NELL1: variants seen among roughly 807,000 people sequenced by gnomAD.
NELL1 encodes neural EGFL like 1.
In NELL1, 76 loss-of-function variants were observed where a neutral mutation model predicts 107.4. The ratio of observed to expected loss-of-function variants is 0.71; its 90% CI spans 0.59 to 0.86. The LOEUF (loss-of-function observed/expected upper bound fraction) is 0.86. Ranked by LOEUF, NELL1 falls within the 40% of genes least tolerant of loss-of-function variation. The pLI is 0.00. For missense variants in NELL1, 1,024 were observed against 1,005.5 expected, an observed-to-expected ratio of 1.02 and a Z score of -0.25; for synonymous variants, 353 against 341.2, an observed-to-expected ratio of 1.03 and a Z score of -0.38.
intron 1 of NELL1, among the ~76,000 whole-genome samples, chr11:20,675,207 C>T (rs1161515572): frequency 6.6e-6 from 1 of 152,174 alleles, no homozygotes; most frequent in East Asian, 1.9e-4. Flanking sequence ...ATGGCCAAAA[C>T]AAGTTACATG....
chr11:21,231,468 C>T (rs1189176157), intron 14 of NELL1, among the ~76,000 whole-genome samples: 1 of 152,138 alleles, frequency 6.6e-6, no homozygotes, highest in African/African-American at 2.4e-5. Context: ...CAAAGCAAAA[C>T]AAGGAAACAA....
intron 3 of NELL1, among the ~76,000 whole-genome samples, chr11:20,841,139 G>A (rs10833399): frequency 0.16 from 23,872 of 151,956 alleles, 2,566 homozygotes; most frequent in East Asian, 0.32. Flanking sequence ...GTTAATCTGC[G>A]TGAGGAAAGG....
At chr11:20,677,868 G>A in intron 1 of NELL1, 64 bp from the exon 2 acceptor site, 3 of 1,594,172 alleles carry the variant, frequency 1.9e-6, no homozygotes, top group Non-Finnish European at 2.6e-6. Flanking sequence ...CCCCGACTCT[G>A]TAACCTCTGA....
At chr11:20,782,543 G>T (rs1378612975) in intron 2 of NELL1, among the ~76,000 whole-genome samples, 10 of 152,210 alleles carry the variant, frequency 6.6e-5, no homozygotes, top group Admixed American at 6.5e-5. Flanking sequence ...AAGAATTGAA[G>T]GATATCTTAT....
At chr11:21,256,304 T>A (rs1858766894) in intron 14 of NELL1, among the ~76,000 whole-genome samples, 1 of 152,070 alleles carries the variant, frequency 6.6e-6, no homozygotes, top group African/African-American at 2.4e-5. Flanking sequence ...TTGGGGCAAC[T>A]TGACTTGAGC....
chr11:20,692,744 G>C (rs1451459115), intron 2 of NELL1, among the ~76,000 whole-genome samples: 1 of 152,124 alleles, frequency 6.6e-6, no homozygotes, highest in Non-Finnish European at 1.5e-5. Context: ...ATGTGGTGCT[G>C]AGAAGAATGT....
intron 13 of NELL1, among the ~76,000 whole-genome samples, chr11:21,222,474 G>A (rs1348827740): frequency 6.6e-6 from 1 of 152,036 alleles, no homozygotes; most frequent in East Asian, 1.9e-4. Context: ...GGGATTACAG[G>A]CGTGAGCCAC....
intron 14 of NELL1, among the ~76,000 whole-genome samples, chr11:21,337,865 C>CT (rs1850470029): frequency 7.0e-6 from 1 of 142,612 alleles, no homozygotes; most frequent in South Asian, 2.2e-4. Flanking sequence ...TTCTTTCTTT[C>CT]TTTCTTTCTT....
chr11:21,121,749 C>G (rs186016719), intron 13 of NELL1, among the ~76,000 whole-genome samples: 412 of 152,174 alleles, frequency 2.7e-3, no homozygotes, highest in African/African-American at 9.3e-3. Flanking sequence ...CTCTACCTGT[C>G]ACATACACAA....
At chr11:21,408,753 C>A (rs1489986970) in intron 15 of NELL1, among the ~76,000 whole-genome samples, 13 of 151,878 alleles carry the variant, frequency 8.6e-5, no homozygotes, top group Admixed American at 8.5e-4. Context: ...ATGCCTATGT[C>A]CAAAAAAGTG....
At chr11:20,797,593 G>T (rs975214038) in intron 3 of NELL1, among the ~76,000 whole-genome samples, 1 of 145,396 alleles carries the variant, frequency 6.9e-6, no homozygotes, top group East Asian at 2.0e-4. Context: ...AAAAAGACAG[G>T]AGGTTGCTGC....
intron 14 of NELL1, among the ~76,000 whole-genome samples, chr11:21,257,222 A>G (rs1032397230): frequency 2.0e-5 from 3 of 151,974 alleles, no homozygotes; most frequent in African/African-American, 7.2e-5. Context: ...CTGGGATACA[A>G]TTTATGTGCA....
chr11:20,719,128 G>C (rs900669642), intron 2 of NELL1, among the ~76,000 whole-genome samples: 7 of 152,192 alleles, frequency 4.6e-5, no homozygotes, highest in African/African-American at 1.7e-4. Context: ...ATTTGTGAAT[G>C]ATAATAAAGT....
intron 1 of NELL1, among the ~76,000 whole-genome samples, chr11:20,675,500 G>C (rs1417571183): frequency 6.6e-6 from 1 of 152,172 alleles, no homozygotes; most frequent in Non-Finnish European, 1.5e-5. Context: ...CCTGCCATCT[G>C]TCCAGGCCTG....
At position 20,853,085 on chromosome 11, in the gene NELL1, G is replaced by T. The variant is rs192359812; in HGVS notation, c.506+5332G>T. Among the ~76,000 whole-genome samples the T allele has an allele frequency of 1.1e-3, 169 of 152,308 alleles. 1 individual carries two copies. The highest frequency in any genetic ancestry group is 4.0e-3 in the African/African-American group (166 of 41,562). ...TTATAGTTTCACCATTATGTGATCT[G>T]AATCTGATTCTGTACCAGTCACATG... is the stretch of plus-strand genomic sequence containing the variant. On this transcript the variant is annotated intron_variant, in intron 4 of 19. Coordinates refer to ENST00000357134, the MANE Select transcript of NELL1 (RefSeq NM_006157.5).
intron 12 of NELL1, among the ~76,000 whole-genome samples, chr11:21,093,675 G>A (rs1263998619): frequency 6.6e-6 from 1 of 152,218 alleles, no homozygotes; most frequent in Non-Finnish European, 1.5e-5. Flanking sequence ...GGAAGGCAAT[G>A]AGGAGCAAGT....
chr11:21,159,904 C>T (rs530533648), intron 13 of NELL1, among the ~76,000 whole-genome samples: 28 of 152,204 alleles, frequency 1.8e-4, no homozygotes, highest in Admixed American at 7.2e-4. Context: ...CCTTCTTCAT[C>T]TGTTCTATTT....
chr11:21,336,043 A>G (rs1850386735), intron 14 of NELL1, among the ~76,000 whole-genome samples: 1 of 152,136 alleles, frequency 6.6e-6, no homozygotes, highest in Non-Finnish European at 1.5e-5. Context: ...TATTCAATAC[A>G]TATAAAATTT....
intron 15 of NELL1, among the ~76,000 whole-genome samples, chr11:21,499,591 T>C (rs981840437): frequency 6.6e-6 from 1 of 152,138 alleles, no homozygotes; most frequent in Non-Finnish European, 1.5e-5. Context: ...TAACCAGAGA[T>C]ACTATGAGTT....
Sources: gnomAD v4.1 joint callset for allele counts (sites outside exome capture counted in the v4.1 genomes callset) on GRCh38, gnomAD v4.1.1 for gene constraint, MANE v1.5 for transcripts, NCBI Gene and HGNC (gene_info 2026-07-23, HGNC 2026-07-21) for gene names.